CFAP58: variants seen among roughly 807,000 people sequenced by gnomAD.
CFAP58 encodes cilia- and flagella-associated protein 58.
CFAP58 carries 88 observed loss-of-function variants against 119.5 expected under a neutral mutation model. That is an observed-to-expected ratio of 0.74 (90% CI 0.62 to 0.88). The LOEUF (loss-of-function observed/expected upper bound fraction) is 0.88. Among genes scored for constraint, CFAP58 ranks in the 40% least tolerant of loss-of-function variants. The pLI is 0.00. For missense variants in CFAP58, 990 were observed against 1,021.2 expected (o/e 0.97, Z 0.42); for synonymous variants, 365 against 366.3 (o/e 1.00, Z 0.04).
At chr10:104,444,784 G>A (rs1212297530) in intron 15 of CFAP58, among the ~76,000 whole-genome samples, 1 of 152,138 alleles carries the variant, frequency 6.6e-6, no homozygotes, top group Non-Finnish European at 1.5e-5. Flanking sequence ...ATTTGCCTCT[G>A]CTCTTCATGT....
At chr10:104,419,891 T>C (rs1189600538) in intron 15 of CFAP58, among the ~76,000 whole-genome samples, 2 of 152,230 alleles carry the variant, frequency 1.3e-5, no homozygotes, top group African/African-American at 4.8e-5. Flanking sequence ...GGCAAGACTA[T>C]GATGGTACCT....
intron 15 of CFAP58, among the ~76,000 whole-genome samples, chr10:104,420,821 C>A (rs1430902169): frequency 6.8e-6 from 1 of 147,048 alleles, no homozygotes; most frequent in East Asian, 2.0e-4. Context: ...GGCATGATCA[C>A]AGCTCACTGC....
intron 14 of CFAP58, 118 bp downstream of exon 14, chr10:104,403,958 C>T (rs1337422227): frequency 7.1e-6 from 4 of 565,538 alleles, no homozygotes; most frequent in African/African-American, 1.9e-5. Flanking sequence ...CAAATTGTCA[C>T]CTAAAATGTA....
At chr10:104,361,283 G>A (rs919733126) in intron 2 of CFAP58, among the ~76,000 whole-genome samples, 4 of 152,144 alleles carry the variant, frequency 2.6e-5, no homozygotes, top group Admixed American at 1.3e-4. Context: ...TCCCCGTTAT[G>A]GGTTTTCTCC....
At chr10:104,397,140 T>C (rs79863047) in intron 11 of CFAP58, among the ~76,000 whole-genome samples, 3,867 of 152,304 alleles carry the variant, frequency 0.025, 192 homozygotes, top group African/African-American at 0.089. Flanking sequence ...GAAGTGAATG[T>C]TGCACATCTG....
Position 104,447,742 on chromosome 10 carries a change from C to G in CFAP58, c.2301C>G (p.Arg767=). 6.2e-7 allele frequency: 1 copy of G among 1,614,152 alleles called. No individual in the cohort carries two copies. The highest frequency in any genetic ancestry group is 8.5e-7 in the Non-Finnish European group (1 of 1,180,010). ...TGGAACTAAAGCACGTCTTGGCCCG[C>G]CAGCCTGGACCTGAGGCTGCGGAAC... ...LYMELKHVLA[R]QPGPEAAEQL... Residue 767 remains arginine, a synonymous_variant, in exon 16 of 18, where the codon CGC becomes CGG. Transcript: ENST00000369704.
In CFAP58 at chr10:104,454,415, C is replaced by G; in HGVS notation, c.2511-7C>G. 1.2e-6 allele frequency: 2 copies of G among 1,609,276 alleles called. No homozygotes were observed. Among genetic ancestry groups the G allele is most frequent in the Non-Finnish European group, 1.7e-6 (2 of 1,175,826 alleles). Reference sequence around the variant, plus strand: ...AAGGAAGCTAACTTTCACCTCCTCTCTTACAGAAACAAGGACACAGCACCC... The same window carrying G: ...AAGGAAGCTAACTTTCACCTCCTCTGTTACAGAAACAAGGACACAGCACCC... On this transcript the variant is annotated splice_region_variant and splice_polypyrimidine_tract_variant and intron_variant, in intron 17 of 17. Coordinates refer to ENST00000369704, the MANE Select transcript of CFAP58 (RefSeq NM_001008723.2).
intron 15 of CFAP58, among the ~76,000 whole-genome samples, chr10:104,425,353 G>T (rs2133072248): frequency 6.6e-6 from 1 of 152,304 alleles, no homozygotes. Context: ...GTAGCAGGAA[G>T]ATATAGCTGG....
intron 15 of CFAP58, among the ~76,000 whole-genome samples, chr10:104,427,702 C>G (rs1371561959): frequency 6.6e-6 from 1 of 152,190 alleles, no homozygotes; most frequent in Non-Finnish European, 1.5e-5. Flanking sequence ...TGTCTGTGCT[C>G]TAAACCTCTC....
intron 4 of CFAP58, among the ~76,000 whole-genome samples, chr10:104,365,377 T>C (rs1320671896): frequency 6.6e-6 from 1 of 152,222 alleles, no homozygotes; most frequent in African/African-American, 2.4e-5. Context: ...AGGCTTTTCA[T>C]AGCATTTGGA....
intron 15 of CFAP58, among the ~76,000 whole-genome samples, chr10:104,412,774 G>A (rs1003967840): frequency 1.2e-4 from 19 of 152,242 alleles, no homozygotes; most frequent in East Asian, 7.7e-4. Context: ...GAGGAGGGGC[G>A]CTTCCCAGTT....
intron 6 of CFAP58, among the ~76,000 whole-genome samples, chr10:104,370,540 G>C (rs1271776730): frequency 3.3e-5 from 5 of 152,142 alleles, no homozygotes; most frequent in Non-Finnish European, 7.3e-5. Context: ...GGAAAGACCT[G>C]CCCCCGTGAT....
chr10:104,347,748 A>G, the CFAP58 span, among the ~76,000 whole-genome samples: 2 of 152,032 alleles, frequency 1.3e-5, no homozygotes, highest in East Asian at 3.8e-4. Flanking sequence ...AAATAAGGTT[A>G]TTTTGTTAGG....
At chr10:104,415,375 G>A (rs2012534836) in intron 15 of CFAP58, among the ~76,000 whole-genome samples, 1 of 152,154 alleles carries the variant, frequency 6.6e-6, no homozygotes, top group Admixed American at 6.5e-5. Context: ...GAATCACACA[G>A]GAAAGCGGGT....
At chr10:104,387,755 C>T (rs944728315) in intron 9 of CFAP58, among the ~76,000 whole-genome samples, 1 of 152,214 alleles carries the variant, frequency 6.6e-6, no homozygotes, top group Admixed American at 6.5e-5. Flanking sequence ...ACATTTTTCA[C>T]ATGATGCACT....
chr10:104,409,600 TTC>T (rs1301464808), intron 15 of CFAP58, among the ~76,000 whole-genome samples: 5 of 152,244 alleles, frequency 3.3e-5, no homozygotes, highest in African/African-American at 1.2e-4. Context: ...TTATTTCTCC[TTC>T]TCTCTGACAT....
intron 3 of CFAP58, among the ~76,000 whole-genome samples, chr10:104,364,036 C>T (rs1386932274): frequency 6.6e-6 from 1 of 152,188 alleles, no homozygotes. Flanking sequence ...AATATTATCA[C>T]ATAACCTCCA....
intron 7 of CFAP58, among the ~76,000 whole-genome samples, chr10:104,376,580 C>T (rs1460231427): frequency 2.0e-5 from 3 of 151,516 alleles, no homozygotes; most frequent in African/African-American, 7.3e-5. Flanking sequence ...CACCTGTTGG[C>T]TTCAGACTTT....
At chr10:104,437,014 T>C (rs1235282349) in intron 15 of CFAP58, among the ~76,000 whole-genome samples, 1 of 152,264 alleles carries the variant, frequency 6.6e-6, no homozygotes, top group African/African-American at 2.4e-5. Context: ...AAGGAGATTA[T>C]ATATATCCAT....
Sources: gnomAD v4.1 joint callset for allele counts (sites outside exome capture counted in the v4.1 genomes callset) on GRCh38, gnomAD v4.1.1 for gene constraint, MANE v1.5 for transcripts, NCBI Gene and HGNC (gene_info 2026-07-23, HGNC 2026-07-21) for gene names.